The following FSIP2 variants were observed in gnomAD, a reference collection of about 807,000 sequenced individuals.
FSIP2 encodes the protein fibrous sheath interacting protein 2, also known as fibrous sheath-interacting protein 2.
Under a neutral mutation model 510.5 loss-of-function variants are expected in FSIP2, and 367 were observed. That is an observed-to-expected ratio of 0.72 (90% CI 0.66 to 0.78). The LOEUF is 0.78. Ranked by LOEUF, FSIP2 falls within the 30% of genes least tolerant of loss-of-function variation. The probability of loss-of-function intolerance (pLI) is 0.00; values close to 1 mark genes in which losing one functional copy is unlikely to be tolerated. For missense variants in FSIP2, 7,594 were observed against 7,901.7 expected (o/e 0.96, Z 1.48); for synonymous variants, 2,601 against 2,732.2 (o/e 0.95, Z 1.50).
chr2:185,823,528 A>T (rs1693963473), intron 19 of FSIP2, among the ~76,000 whole-genome samples: 1 of 151,592 alleles, frequency 6.6e-6, no homozygotes, highest in South Asian at 2.1e-4. Context: ...ACACATTAAG[A>T]TAACTAAAGA....
At chr2:185,831,191 C>T (rs1694101988) in intron 21 of FSIP2, among the ~76,000 whole-genome samples, 2 of 151,732 alleles carry the variant, frequency 1.3e-5, no homozygotes, top group Non-Finnish European at 2.9e-5. Context: ...ATTCTGGTAC[C>T]CTTCAAATCT....
chr2:185,792,063 G>A lies in FSIP2; in HGVS notation c.4927G>A (p.Ala1643Thr). 1 of 1,533,660 alleles carries A rather than the reference G, an allele frequency of 6.5e-7. No individual in the cohort carries two copies. Among genetic ancestry groups the A allele is most frequent in the Non-Finnish European group, 8.7e-7 (1 of 1,145,098 alleles). Residue 1643 changes from alanine (A) to threonine (T), a missense_variant, in exon 16 of 23, where the codon GCA becomes ACA. Ala to Thr is a moderately conservative substitution (Grantham distance 58). Coordinates refer to ENST00000424728, the MANE Select transcript of FSIP2 (RefSeq NM_173651.4). ...ASFLSALYMHAKKVSSAILKV... is the reference protein window; with the variant it reads ...ASFLSALYMHTKKVSSAILKV... ...ATTTCTGTCTGCTTTATATATGCAT[G>A]CAAAGAAGGTATCAAGTGCTATTTT...
intron 19 of FSIP2, among the ~76,000 whole-genome samples, chr2:185,820,886 A>G (rs1693903330): frequency 6.6e-6 from 1 of 151,526 alleles, no homozygotes; most frequent in Non-Finnish European, 1.5e-5. Context: ...TTTACACCTT[A>G]GGGAACTAGA....
At chr2:185,754,433 C>T (rs954551529) in intron 8 of FSIP2, among the ~76,000 whole-genome samples, 3 of 151,406 alleles carry the variant, frequency 2.0e-5, no homozygotes, top group African/African-American at 7.3e-5. Flanking sequence ...AGGAAAGAAA[C>T]TGATTATTTT....
Position 185,801,312 on chromosome 2 carries a change from G to T in FSIP2, c.12006G>T (p.Trp4002Cys). The T allele has an allele frequency of 6.5e-7, 1 of 1,533,688 alleles. No individual in the cohort carries two copies. Among genetic ancestry groups the T allele is most frequent in the Non-Finnish European group, 8.7e-7 (1 of 1,145,290 alleles). ...AAAATAAAAACATCACTGTGTCCTGGCTCAATGAGATGAATACATTATTTG... is the reference window on the plus strand; with the variant it reads ...AAAATAAAAACATCACTGTGTCCTGTCTCAATGAGATGAATACATTATTTG... ...WGKNKNITVS[W>C]LNEMNTLFVN... Residue 4002 changes from tryptophan (W) to cysteine (C), a missense_variant, in exon 17 of 23, where the codon TGG (tryptophan) becomes TGT (cysteine). Trp to Cys is a radical substitution (Grantham distance 215). Coordinates refer to ENST00000424728, the MANE Select transcript of FSIP2 (RefSeq NM_173651.4).
At chr2:185,780,781 G>C (rs1261715530) in intron 13 of FSIP2, among the ~76,000 whole-genome samples, 2 of 151,928 alleles carry the variant, frequency 1.3e-5, no homozygotes, top group African/African-American at 4.8e-5. Context: ...TTTATTGTTG[G>C]GGATTCAATA....
At position 185,814,006 on chromosome 2, in the gene FSIP2, A is replaced by G; in HGVS notation, c.20289A>G (p.Thr6763=). 2 of 1,613,154 alleles carry G rather than the reference A, an allele frequency of 1.2e-6. No homozygotes were observed. Among genetic ancestry groups the G allele is most frequent in the Non-Finnish European group, 1.7e-6 (2 of 1,179,502 alleles). The part of the protein sequence containing the change: ...DMATPKTMPE[T]ASSSWEEKPQ... The stretch of plus-strand genomic sequence containing the variant: ...CCACACCAAAGACGATGCCTGAAAC[A>G]GCCTCTTCATCTTGGGAGGAAAAGC... Residue 6763 remains threonine (T), a synonymous_variant, in exon 18 of 23, where the codon ACA becomes ACG. Coordinates refer to ENST00000424728, the MANE Select transcript of FSIP2 (RefSeq NM_173651.4).
At chr2:185,738,723 G>A (rs1691839682), upstream of FSIP2, 1 of 1,536,068 alleles carries the variant, frequency 6.5e-7, no homozygotes. Context: ...CCGCCCCTCA[G>A]GAGGCCACCG....
At chr2:185,743,896 G>A (rs545302980) in intron 3 of FSIP2, among the ~76,000 whole-genome samples, 15 of 152,176 alleles carry the variant, frequency 9.9e-5, no homozygotes, top group Middle Eastern at 3.4e-3. Flanking sequence ...GTGCAATGGC[G>A]CAATCATGGC....
chr2:185,804,676 A>G lies in FSIP2; in HGVS notation c.15370A>G (p.Arg5124Gly). ...PHSLLEDMVY[R>G]LLGHVFPSTH... ...TTCTCTTTTAGAAGATATGGTTTAC[A>G]GGCTTCTAGGGCATGTCTTCCCTTC... is the stretch of plus-strand genomic sequence containing the variant. Residue 5124 changes from arginine to glycine, a missense_variant, in exon 17 of 23, where the codon AGG becomes GGG. Transcript: ENST00000424728. 6.5e-7 allele frequency: 1 copy of G among 1,532,600 alleles called. No homozygotes were observed. Among genetic ancestry groups the G allele is most frequent in the African/African-American group, 1.4e-5 (1 of 72,882 alleles). The allele number at this position is 1,532,600 out of a possible 1,614,324, so 94.9% of individuals were successfully genotyped here.
In FSIP2 at chr2:185,805,811, G is replaced by T; in HGVS notation, c.16505G>T (p.Gly5502Val). 6.2e-7 allele frequency: 1 copy of T among 1,602,546 alleles called. No individual in the cohort carries two copies. Among genetic ancestry groups the T allele is most frequent in the Non-Finnish European group, 8.5e-7 (1 of 1,176,376 alleles). Residue 5502 changes from glycine to valine, a missense_variant, in exon 17 of 23, where the codon GGC (glycine) becomes GTC (valine). Physicochemically the swap from Gly to Val is moderately radical, Grantham distance 109. Transcript: ENST00000424728. The stretch of plus-strand genomic sequence containing the variant: ...TCTATAAATGCAATTATGAAAAGCG[G>T]CATGATTAACCTAACATCAGGGTTG... ...LSSINAIMKS[G>V]MINLTSGLAT...
chr2:185,826,040 A>T (rs564597109), intron 20 of FSIP2, among the ~76,000 whole-genome samples: 8 of 151,836 alleles, frequency 5.3e-5, no homozygotes, highest in Non-Finnish European at 1.2e-4. Flanking sequence ...TGCCTCCAGT[A>T]TACAGTGTCA....
In FSIP2 at chr2:185,800,882, T is replaced by A; in HGVS notation, c.11576T>A (p.Ile3859Lys). ...KSLMDKLSHS[I>K]QQAPESLPFA... ...TTGATGGACAAATTATCTCACAGCA[T>A]ACAACAAGCTCCGGAAAGTCTACCT... Residue 3859 changes from isoleucine (I) to lysine (K), a missense_variant, in exon 17 of 23, where the codon ATA (isoleucine) becomes AAA (lysine). By Grantham distance (102) the Ile-to-Lys change is moderately radical. Coordinates refer to ENST00000424728, the MANE Select transcript of FSIP2 (RefSeq NM_173651.4). The A allele has an allele frequency of 6.5e-7, 1 of 1,534,148 alleles. No homozygotes were observed. Among genetic ancestry groups the A allele is most frequent in the Non-Finnish European group, 8.7e-7 (1 of 1,145,610 alleles).
intron 13 of FSIP2, among the ~76,000 whole-genome samples, chr2:185,769,292 C>G (rs545465755): frequency 6.6e-6 from 1 of 152,136 alleles, no homozygotes. Context: ...ACCTTGCCAG[C>G]ATCTATTATT....
chr2:185,787,471 A>G (rs1225072867), intron 15 of FSIP2, among the ~76,000 whole-genome samples: 1 of 151,780 alleles, frequency 6.6e-6, no homozygotes, highest in African/African-American at 2.4e-5. Flanking sequence ...TTTGGGTGTT[A>G]GCAGCCTAGT....
chr2:185,828,700 C>A (rs1183017773), intron 21 of FSIP2, among the ~76,000 whole-genome samples: 1 of 151,866 alleles, frequency 6.6e-6, no homozygotes, highest in Non-Finnish European at 1.5e-5. Flanking sequence ...AAAAAGCCCA[C>A]CTACTCCCCA....
At position 185,791,790 on chromosome 2, in the gene FSIP2, G is replaced by A. The variant is rs1418074824; in HGVS notation, c.4654G>A (p.Glu1552Lys). Residue 1552 changes from glutamate to lysine, a missense_variant, in exon 16 of 23, where the codon GAG becomes AAG. Glu to Lys is a moderately conservative substitution (Grantham distance 56). Coordinates refer to ENST00000424728, the MANE Select transcript of FSIP2 (RefSeq NM_173651.4). ...AAGGGTTCAGGAGGACAATAAAGAAGAGACTAAAAGCAAGGCAAAACCTGT... is the reference window on the plus strand; with the variant it reads ...AAGGGTTCAGGAGGACAATAAAGAAAAGACTAAAAGCAAGGCAAAACCTGT... ...SRRVQEDNKE[E>K]TKSKAKPVAP... The A allele has an allele frequency of 6.5e-7, 1 of 1,534,342 alleles. No homozygotes were observed. The highest frequency in any genetic ancestry group is 8.7e-7 in the Non-Finnish European group (1 of 1,145,612).
At chr2:185,826,570 TC>T in intron 20 of FSIP2, among the ~76,000 whole-genome samples, 1 of 151,932 alleles carries the variant, frequency 6.6e-6, no homozygotes, top group East Asian at 1.9e-4. Flanking sequence ...ACGCTACCTA[TC>T]CCAGTTCTTT....
intron 17 of FSIP2, 36 bp from the exon 18 acceptor site, chr2:185,813,509 A>G (rs763179533): frequency 2.6e-5 from 34 of 1,323,578 alleles, no homozygotes; most frequent in Non-Finnish European, 3.4e-5. Flanking sequence ...TGATTTAGGC[A>G]TTTGATTTTA....
Sources: gnomAD v4.1 joint callset for allele counts (sites outside exome capture counted in the v4.1 genomes callset) on GRCh38, gnomAD v4.1.1 for gene constraint, MANE v1.5 for transcripts, NCBI Gene and HGNC (gene_info 2026-07-23, HGNC 2026-07-21) for gene names.